The following F11R variants were observed in gnomAD, a reference collection of about 807,000 sequenced individuals.
The protein encoded by F11R is junctional adhesion molecule A.
A neutral mutation model predicts 39.3 loss-of-function variants in F11R; 27 were observed. That is an observed-to-expected ratio of 0.69 (90% CI 0.51 to 0.95). The LOEUF is 0.95. F11R is among the 40% of genes least tolerant of loss of function. The probability of loss-of-function intolerance (pLI) is 0.00; values close to 1 mark genes in which losing one functional copy is unlikely to be tolerated. For synonymous variants in F11R, 131 were observed against 144.9 expected, an observed-to-expected ratio of 0.90 and a Z score of 0.69; for missense variants, 335 against 372.7, an observed-to-expected ratio of 0.90 and a Z score of 0.83.
chr1:161,000,239 C>A lies in F11R; in HGVS notation c.498G>T (p.Trp166Cys). 1 of 1,614,132 alleles carries A rather than the reference C, an allele frequency of 6.2e-7. No homozygotes were observed. The change falls in exon 5 of 10, where the codon TGG (tryptophan) becomes TGT (cysteine). Residue 166 changes from tryptophan (W) to cysteine (C), a missense_variant. By Grantham distance (215) the Trp-to-Cys change is radical (BLOSUM62 -2). Coordinates refer to ENST00000368026, the MANE Select transcript of F11R (RefSeq NM_016946.6). ...TAGGCATCACTATCCCATCTTTGAA[C>A]CAGGTGTATTCAGAAGGTGGGGAAC... ...QDGSPPSEYT[W>C]FKDGIVMPTN...
chr1:161,011,539 G>A (rs1649160538), intron 1 of F11R, among the ~76,000 whole-genome samples: 1 of 151,922 alleles, frequency 6.6e-6, no homozygotes, highest in African/African-American at 2.4e-5. Context: ...GACCAGCCTG[G>A]CCAAGATGGT....
intron 1 of F11R, among the ~76,000 whole-genome samples, chr1:161,003,542 C>T (rs1571010504): frequency 1.3e-5 from 2 of 152,016 alleles, no homozygotes; most frequent in East Asian, 1.9e-4. Flanking sequence ...GAATTATAGG[C>T]GTGAGCCACG....
At chr1:160,998,940 A>G (rs757695512) in intron 9 of F11R, 34 bp from the exon 10 acceptor site, 1 of 1,613,910 alleles carries the variant, frequency 6.2e-7, no homozygotes, top group South Asian at 1.1e-5. Flanking sequence ...AACTCTCAAT[A>G]GTCTTCTTTA....
chr1:161,013,818 G>A (rs566416297), intron 1 of F11R, among the ~76,000 whole-genome samples: 5 of 152,110 alleles, frequency 3.3e-5, no homozygotes, highest in South Asian at 2.1e-4. Flanking sequence ...CAGAATTTCC[G>A]GTTCTACCTG....
intron 1 of F11R, among the ~76,000 whole-genome samples, chr1:161,012,604 A>ATTTATTTC (rs2101985165): frequency 7.0e-6 from 1 of 141,916 alleles, no homozygotes; most frequent in African/African-American, 2.5e-5. Flanking sequence ...AATTAATTTT[A>ATTTATTTC]TTTATTTATT....
chr1:161,011,072 G>A (rs964294466), intron 1 of F11R, among the ~76,000 whole-genome samples: 65 of 150,264 alleles, frequency 4.3e-4, no homozygotes, highest in African/African-American at 1.4e-3. Flanking sequence ...TTGCTCTGTC[G>A]CCCAGGCTGG....
At chr1:161,017,386 C>T (rs773480069) in intron 1 of F11R, among the ~76,000 whole-genome samples, 1 of 152,204 alleles carries the variant, frequency 6.6e-6, no homozygotes, top group African/African-American at 2.4e-5. Flanking sequence ...AGACATTGTA[C>T]GTTCCATCTA....
Position 161,008,955 on chromosome 1 carries a change from G to A in F11R, c.65-7602C>T, listed in dbSNP as rs1011477275. Among the ~76,000 whole-genome samples the A allele has an allele frequency of 3.9e-5, 6 of 152,252 alleles. No homozygotes were observed. In the Middle Eastern group the frequency reaches 0.01, roughly 259 times the overall value. ...TCCCTCTCTCCCACCAGGAAGTGCT[G>A]GAAGAAAGTTCCAGCACTATCTGAC... On this transcript the variant is annotated intron_variant, in intron 1 of 9. Coordinates refer to ENST00000368026, the MANE Select transcript of F11R (RefSeq NM_016946.6).
At chr1:161,001,899 A>G (rs1648515332) in intron 1 of F11R, among the ~76,000 whole-genome samples, 1 of 152,220 alleles carries the variant, frequency 6.6e-6, no homozygotes, top group Non-Finnish European at 1.5e-5. Context: ...AGCATGACAG[A>G]TCGGCAAGAC....
At chr1:161,014,203 G>A (rs924692820) in intron 1 of F11R, among the ~76,000 whole-genome samples, 1 of 152,216 alleles carries the variant, frequency 6.6e-6, no homozygotes, top group Non-Finnish European at 1.5e-5. Flanking sequence ...TGAGTTTAGA[G>A]ATCTCCAGGG....
rs532046549 is a variant in F11R, at chr1:161,015,744, C to T, written c.64+5266G>A. Among the ~76,000 whole-genome samples, 9 of 151,796 alleles carry T rather than the reference C, an allele frequency of 5.9e-5. No homozygotes were observed. In the South Asian group the frequency reaches 1.9e-3, roughly 32 times the overall value. On this transcript the variant is annotated intron_variant, in intron 1 of 9. Transcript: ENST00000368026. ...AAGATGTAGAATATATGTAGTATGC[C>T]TCTTTTTGTGTCAGAAAGGGGAGAA...
chr1:160,999,117 C>T, intron 8 of F11R, 26 bp from the exon 9 acceptor site: 1 of 1,614,152 alleles, frequency 6.2e-7, no homozygotes, highest in Non-Finnish European at 8.5e-7. Context: ...AAGACAGAGA[C>T]ACTCAGCCAC....
chr1:161,017,212 G>C (rs959896357), intron 1 of F11R, among the ~76,000 whole-genome samples: 1 of 152,164 alleles, frequency 6.6e-6, no homozygotes, highest in Non-Finnish European at 1.5e-5. Context: ...ATATGGCCTC[G>C]TGGGAAGGGA....
At chr1:161,003,894 A>G (rs1648642642) in intron 1 of F11R, among the ~76,000 whole-genome samples, 1 of 151,590 alleles carries the variant, frequency 6.6e-6, no homozygotes, top group Admixed American at 6.6e-5. Context: ...CCTCCCTAGT[A>G]GCTAGGATTA....
rs564044949 is a variant in F11R at position 161,002,186 on chromosome 1, C to T, written c.65-833G>A. ...CTGAGGCAGAAGAGTCGCTTGAACC[C>T]GGGAGGCGGAGATTGCAGTGAGCCG... On this transcript the variant is annotated intron_variant, in intron 1 of 9. Transcript: ENST00000368026. Among the ~76,000 whole-genome samples the T allele has an allele frequency of 3.6e-4, 54 of 148,256 alleles. No homozygotes were observed. The South Asian group carries it at 0.012, about 32-fold the overall frequency.
chr1:160,999,083 C>A lies in F11R; in HGVS notation c.824G>T (p.Ser275Ile). The A allele has an allele frequency of 1.2e-6, 2 of 1,614,240 alleles. No homozygotes were observed. The highest frequency in any genetic ancestry group is 1.1e-5 in the South Asian group (1 of 91,092). ...HFDRTKKGTS[S>I]KKVIYSQPSA... Reference sequence around the variant, plus strand: ...AGGCTGGCTGTAAATCACCTTCTTACTCGAAGTCCTGTGAACAAGCCAGAA... The same window carrying A: ...AGGCTGGCTGTAAATCACCTTCTTAATCGAAGTCCTGTGAACAAGCCAGAA... Residue 275 changes from serine to isoleucine, a missense_variant, in exon 9 of 10, where the codon AGT becomes ATT. Transcript: ENST00000368026.
Position 161,011,275 on chromosome 1 carries a change from C to G in F11R, c.64+9735G>C, listed in dbSNP as rs1046783394. On this transcript the variant is annotated intron_variant, in intron 1 of 9. Transcript: ENST00000368026. ...CTCAAACTCCTGGCCTCAAGTGATCCGTCCGCCCCAGCCTCCCAAAGTGCT... is the reference window on the plus strand; with the variant it reads ...CTCAAACTCCTGGCCTCAAGTGATCGGTCCGCCCCAGCCTCCCAAAGTGCT... 6.6e-5 allele frequency among the ~76,000 whole-genome samples: 10 copies of G among 152,068 alleles called. No individual in the cohort carries two copies. In the South Asian group the frequency reaches 1.2e-3, roughly 19 times the overall value.
At chr1:161,007,707 GT>G (rs1419919543) in intron 1 of F11R, among the ~76,000 whole-genome samples, 1 of 152,170 alleles carries the variant, frequency 6.6e-6, no homozygotes, top group East Asian at 1.9e-4. Flanking sequence ...ATCATCATCT[GT>G]TCATAGGCCC....
chr1:160,996,303 T>A lies in F11R; in HGVS notation c.*2568A>T, dbSNP rs1217246953. 6.6e-6 allele frequency: 1 copy of A among 152,320 alleles called. No homozygotes were observed. Among genetic ancestry groups the A allele is most frequent in the Non-Finnish European group, 1.5e-5 (1 of 68,038 alleles). The allele number at this position is 152,320 out of a possible 1,614,324, so 9.4% of individuals were successfully genotyped here. A position where few individuals can be genotyped will look rare whatever the true frequency, so the allele number is the denominator to read the frequency against. On this transcript the variant is annotated 3_prime_UTR_variant, in exon 10 of 10. Coordinates refer to ENST00000368026, the MANE Select transcript of F11R (RefSeq NM_016946.6). The stretch of plus-strand genomic sequence containing the variant: ...GTCCATTGTAAGCTAGAGAAGTAAA[T>A]TCCAAGGCTGGCAATAACTGACTCA...
Sources: gnomAD v4.1 joint callset for allele counts (sites outside exome capture counted in the v4.1 genomes callset) on GRCh38, gnomAD v4.1.1 for gene constraint, MANE v1.5 for transcripts, NCBI Gene and HGNC (gene_info 2026-07-23, HGNC 2026-07-21) for gene names.